The following TRAPPC12 variants were observed in gnomAD, a reference collection of about 807,000 sequenced individuals.
TRAPPC12 encodes trafficking protein particle complex subunit 12, also known as TPR repeat protein 15.
TRAPPC12 carries 61 observed loss-of-function variants against 69.2 expected under a neutral mutation model. That is an observed-to-expected ratio of 0.88 (90% CI 0.72 to 1.09). The LOEUF (loss-of-function observed/expected upper bound fraction) is 1.09. Ranked by LOEUF, TRAPPC12 falls within the 50% of genes least tolerant of loss-of-function variation. TRAPPC12 has a pLI of 0.00. For missense variants in TRAPPC12, 1,101 were observed against 1,016.4 expected (o/e 1.08, Z -1.13); for synonymous variants, 469 against 438.9 (o/e 1.07, Z -0.86).
intron 3 of TRAPPC12, among the ~76,000 whole-genome samples, chr2:3,415,824 C>A (rs979841753): frequency 6.6e-6 from 1 of 151,664 alleles, no homozygotes; most frequent in East Asian, 1.9e-4. Flanking sequence ...TCACACCATT[C>A]TCCTGCCTCA....
At chr2:3,447,288 G>C (rs1457577105) in intron 6 of TRAPPC12, among the ~76,000 whole-genome samples, 3 of 152,128 alleles carry the variant, frequency 2.0e-5, no homozygotes, top group Non-Finnish European at 2.9e-5. Flanking sequence ...AGTAGAGACA[G>C]GGCTTCACCA....
Position 3,399,831 on chromosome 2 carries a change from C to CA in TRAPPC12, c.1048-1936dup, listed in dbSNP as rs34625674. ...GCTCCCCCCGCCACCGCCCCGCCGC[C>CA]AAAAAAAAAAGGGTAGGAGAACAAT... is the stretch of plus-strand genomic sequence containing the variant. On this transcript the variant is annotated intron_variant, in intron 2 of 11. Transcript: ENST00000324266. 1.0e-3 allele frequency among the ~76,000 whole-genome samples: 152 copies of CA among 147,146 alleles called. 1 individual carries two copies. The highest frequency in any genetic ancestry group is 2.8e-3 in the African/African-American group (111 of 39,998).
intron 3 of TRAPPC12, among the ~76,000 whole-genome samples, chr2:3,415,667 G>T (rs1359029400): frequency 2.0e-5 from 3 of 150,750 alleles, no homozygotes; most frequent in Non-Finnish European, 2.9e-5. Flanking sequence ...GCCTCCCACA[G>T]TGCTGGGGTT....
chr2:3,407,375 A>G lies in TRAPPC12; in HGVS notation c.1164+5482A>G, dbSNP rs556888812. Among the ~76,000 whole-genome samples, 138 of 152,322 alleles carry G rather than the reference A, an allele frequency of 9.1e-4. 1 individual carries two copies. Among genetic ancestry groups the G allele is most frequent in the Non-Finnish European group, 2.2e-4 (15 of 68,022 alleles). ...AACGTAAAAGTAGTTTTTATCTAAA[A>G]TCTTTATCTCATATCAGACTAACTT... On this transcript the variant is annotated intron_variant, in intron 3 of 11. Coordinates refer to ENST00000324266, the MANE Select transcript of TRAPPC12 (RefSeq NM_016030.6).
chr2:3,427,224 G>A (rs1055375104), intron 5 of TRAPPC12, among the ~76,000 whole-genome samples: 14 of 152,190 alleles, frequency 9.2e-5, no homozygotes, highest in African/African-American at 3.4e-4. Context: ...CTGCCTGACT[G>A]CAGCCTGAGC....
chr2:3,468,724 C>T (rs921656453), intron 9 of TRAPPC12, among the ~76,000 whole-genome samples: 4 of 152,186 alleles, frequency 2.6e-5, no homozygotes, highest in Admixed American at 1.3e-4. Context: ...CACGTGGGCA[C>T]GAGGCCCTCC....
At chr2:3,386,482 AAGACAGTGATAGC>A (rs1462901309) in intron 1 of TRAPPC12, among the ~76,000 whole-genome samples, 24 of 152,194 alleles carry the variant, frequency 1.6e-4, no homozygotes, top group Non-Finnish European at 3.2e-4. Context: ...CTGCGAAACG[AAGACAGTGATAGC>A]AGCTGTCTCG....
At chr2:3,478,436 C>A (rs891966803) in intron 10 of TRAPPC12, among the ~76,000 whole-genome samples, 3 of 152,168 alleles carry the variant, frequency 2.0e-5, no homozygotes, top group Admixed American at 6.5e-5. Flanking sequence ...AGTTTGAGGC[C>A]AGCCTGGCCA....
intron 2 of TRAPPC12, among the ~76,000 whole-genome samples, chr2:3,390,237 TATCA>T (rs1181854305): frequency 6.6e-6 from 1 of 152,246 alleles, no homozygotes; most frequent in Non-Finnish European, 1.5e-5. Flanking sequence ...CGTTTCCATT[TATCA>T]ATCATGATCT....
chr2:3,453,518 G>A (rs906514323), intron 6 of TRAPPC12, among the ~76,000 whole-genome samples: 9 of 152,112 alleles, frequency 5.9e-5, no homozygotes, highest in East Asian at 1.9e-4. Context: ...CTATGCCCTC[G>A]CCTGGGCCCT....
At chr2:3,389,529 G>A (rs1660701546) in intron 2 of TRAPPC12, among the ~76,000 whole-genome samples, 1 of 152,250 alleles carries the variant, frequency 6.6e-6, no homozygotes, top group East Asian at 1.9e-4. Context: ...CCGCGACCCC[G>A]AAGCCCGAGA....
chr2:3,431,782 A>G (rs926607705), intron 5 of TRAPPC12, among the ~76,000 whole-genome samples: 1 of 152,354 alleles, frequency 6.6e-6, no homozygotes, highest in Admixed American at 6.5e-5. Context: ...GTATTGGTAC[A>G]GCATTATTAA....
At chr2:3,426,793 C>G (rs11689504) in intron 5 of TRAPPC12, among the ~76,000 whole-genome samples, 1 of 152,236 alleles carries the variant, frequency 6.6e-6, no homozygotes, top group Admixed American at 6.5e-5. Context: ...GTCTCGTCTA[C>G]GTCCCTCCCA....
In TRAPPC12 at chr2:3,387,938, G is replaced by A. The variant is rs1558338335; in HGVS notation, c.315G>A (p.Ala105=). 1 of 1,503,696 alleles carries A rather than the reference G, an allele frequency of 6.7e-7. No individual in the cohort carries two copies. Among genetic ancestry groups the A allele is most frequent in the Non-Finnish European group, 8.9e-7 (1 of 1,128,166 alleles). 93.1% of individuals were successfully genotyped at this position (1,503,696 alleles called of 1,614,324 possible). A position where few individuals can be genotyped will look rare whatever the true frequency, so the allele number is the denominator to read the frequency against. ...AAGGCGACCCAGGCCCGGAGCCCGC[G>A]GGCACCCCGAGTCCCAGCGGCGAGG... ...GGEGDPGPEP[A]GTPSPSGEAD... is the part of the protein sequence containing the mutation. Residue 105 remains alanine, a synonymous_variant, in exon 2 of 12, where the codon GCG becomes GCA. Coordinates refer to ENST00000324266, the MANE Select transcript of TRAPPC12 (RefSeq NM_016030.6).
At chr2:3,401,153 G>A (rs926754696) in intron 2 of TRAPPC12, among the ~76,000 whole-genome samples, 1 of 152,234 alleles carries the variant, frequency 6.6e-6, no homozygotes, top group Non-Finnish European at 1.5e-5. Context: ...CTGGCTCAGC[G>A]AGGCTACCGA....
intron 7 of TRAPPC12, chr2:3,457,900 CGAACCCTGCGCCCG>C: frequency 2.8e-6 from 4 of 1,419,050 alleles, no homozygotes; most frequent in Non-Finnish European, 3.7e-6. Context: ...GCCTCAGACC[CGAACCCTGCGCCCG>C]GGGAGAAGAC....
intron 3 of TRAPPC12, among the ~76,000 whole-genome samples, chr2:3,409,196 G>A (rs1324290741): frequency 1.3e-5 from 2 of 152,190 alleles, no homozygotes; most frequent in Non-Finnish European, 2.9e-5. Flanking sequence ...CCAGGCCCCC[G>A]ACAAAGGATA....
At chr2:3,408,123 G>A (rs908153497) in intron 3 of TRAPPC12, among the ~76,000 whole-genome samples, 4 of 152,128 alleles carry the variant, frequency 2.6e-5, no homozygotes, top group South Asian at 2.1e-4. Flanking sequence ...GTGCTCTGCC[G>A]AGGCTGGTAA....
Position 3,388,354 on chromosome 2 carries a change from C to T in TRAPPC12, c.731C>T (p.Ala244Val), listed in dbSNP as rs758257038. The change falls in exon 2 of 12, where the codon GCC becomes GTC. Residue 244 changes from alanine to valine, a missense_variant. Transcript: ENST00000324266. Reference protein sequence around the residue: ...SVSNPGAGSPAPASPPPLAVP... With the variant: ...SVSNPGAGSPVPASPPPLAVP... ...AGCAATCCCGGCGCGGGCTCCCCGG[C>T]CCCCGCCAGCCCGCCTCCCCTCGCT... The T allele has an allele frequency of 6.3e-6, 10 of 1,591,162 alleles. No individual in the cohort carries two copies. The African/African-American group carries it at 1.1e-4, about 17-fold the overall frequency.
Sources: gnomAD v4.1 joint callset for allele counts (sites outside exome capture counted in the v4.1 genomes callset) on GRCh38, gnomAD v4.1.1 for gene constraint, MANE v1.5 for transcripts, NCBI Gene and HGNC (gene_info 2026-07-23, HGNC 2026-07-21) for gene names.